Variants in TERF2 observed in about 807,000 individuals in gnomAD.
TERF2 encodes the protein telomeric repeat binding factor 2, also known as telomeric repeat-binding factor 2.
In TERF2, 16 loss-of-function variants were observed where a neutral mutation model predicts 56.1. That is an observed-to-expected ratio of 0.29 (90% CI 0.19 to 0.43). TERF2 has a LOEUF of 0.43. Ranked by LOEUF, TERF2 falls within the 20% of genes least tolerant of loss-of-function variation. The pLI is 1.00. For synonymous variants in TERF2, 296 were observed against 282.1 expected (o/e 1.05, Z -0.50); for missense variants, 547 against 712.9 (o/e 0.77, Z 2.65).
chr16:69,384,751 A>G, intron 2 of TERF2, 41 bp from the exon 3 acceptor site: 1 of 1,530,596 alleles, frequency 6.5e-7, no homozygotes, highest in Non-Finnish European at 8.8e-7. Context: ...CTCTTTTCTA[A>G]GGGTAAAAAA....
intron 8 of TERF2, among the ~76,000 whole-genome samples, chr16:69,360,493 C>T (rs1317494669): frequency 6.6e-5 from 10 of 151,908 alleles, no homozygotes; most frequent in African/African-American, 2.2e-4. Flanking sequence ...TGCTTGAGCC[C>T]AGGAGTTCGA....
chr16:69,367,140 G>A lies in TERF2; in HGVS notation c.1007C>T (p.Thr336Ile). The A allele has an allele frequency of 6.2e-7, 1 of 1,614,214 alleles. No homozygotes were observed. Among genetic ancestry groups the A allele is most frequent in the Non-Finnish European group, 8.5e-7 (1 of 1,180,046 alleles). ...GMMTLKAAFK[T>I]LSGAQDSEAA... ...CTCAGAATCCTGTGCACCAGACAGA[G>A]TCTTGAAAGCTGCTTTCAGAGTCAT... The change falls in exon 7 of 10, where the codon ACT (threonine) becomes ATT (isoleucine). Residue 336 changes from threonine to isoleucine, a missense_variant. Physicochemically the swap from Thr to Ile is moderately conservative, Grantham distance 89. Around this residue, in one of 6 missense-constraint regions of TERF2, gnomAD observed 211 missense variants for 236.8 expected, o/e 0.89. Coordinates refer to ENST00000254942, the MANE Select transcript of TERF2 (RefSeq NM_005652.5).
chr16:69,368,180 G>A (rs2013421902), intron 6 of TERF2, among the ~76,000 whole-genome samples, 196 bp downstream of exon 6: 1 of 152,214 alleles, frequency 6.6e-6, no homozygotes, highest in Admixed American at 6.5e-5. Context: ...CAGTCAGGAA[G>A]TTGTCAGGGA....
intron 8 of TERF2, among the ~76,000 whole-genome samples, chr16:69,360,944 C>A (rs1381690277): frequency 6.6e-6 from 1 of 152,026 alleles, no homozygotes; most frequent in African/African-American, 2.4e-5. Flanking sequence ...ATCAGACTGA[C>A]TCCTTGACCA....
chr16:69,375,097 T>C (rs1567452352), intron 3 of TERF2, among the ~76,000 whole-genome samples: 1 of 152,196 alleles, frequency 6.6e-6, no homozygotes, highest in Non-Finnish European at 1.5e-5. Context: ...AATAGTTCAC[T>C]TTTTCTTGTT....
In TERF2 at chr16:69,357,171, A is replaced by C. The variant is rs1042162590; in HGVS notation, c.1471-115T>G. On this transcript the variant is annotated intron_variant, in intron 9 of 9. Coordinates refer to ENST00000254942, the MANE Select transcript of TERF2 (RefSeq NM_005652.5). ...TCCCAGGAGAATCATCTGAACCTGA[A>C]ATCACAGCTTATGTTTTTAAACATG... The C allele has an allele frequency of 2.5e-6, 3 of 1,219,762 alleles. No homozygotes were observed. The African/African-American group carries it at 4.5e-5, about 18-fold the overall frequency. 75.6% of individuals were successfully genotyped at this position (1,219,762 alleles called of 1,614,324 possible). A position where few individuals can be genotyped will look rare whatever the true frequency, so the allele number is the denominator to read the frequency against.
At chr16:69,371,500 CAAA>C (rs778947462) in intron 4 of TERF2, among the ~76,000 whole-genome samples, 8 of 42,044 alleles carry the variant, frequency 1.9e-4, no homozygotes, top group Admixed American at 1.6e-3. Flanking sequence ...GACTCCATCT[CAAA>C]AAAAAAAAAA....
intron 3 of TERF2, among the ~76,000 whole-genome samples, chr16:69,382,738 A>G (rs1223316849): frequency 1.3e-5 from 2 of 152,208 alleles, no homozygotes; most frequent in Non-Finnish European, 2.9e-5. Context: ...GTTAACAACT[A>G]TGTGAGTAGG....
At position 69,384,700 on chromosome 16, in the gene TERF2, A is replaced by G. The variant is rs1362286887; in HGVS notation, c.486T>C (p.Phe162=). 1.2e-6 allele frequency: 2 copies of G among 1,613,948 alleles called. No homozygotes were observed. Among genetic ancestry groups the G allele is most frequent in the Admixed American group, 1.7e-5 (1 of 59,970 alleles). The part of the protein sequence containing the change: ...IEEGENLDCS[F]DMEAELTPLE... ...GTGGTGTGAGCTCAGCCTCCATATCAAAGGAACAGTCTAGGACAAAGCACA... is the reference window on the plus strand; with the variant it reads ...GTGGTGTGAGCTCAGCCTCCATATCGAAGGAACAGTCTAGGACAAAGCACA... The change falls in exon 3 of 10, where the codon TTT becomes TTC. Residue 162 remains phenylalanine, a synonymous_variant. Coordinates refer to ENST00000254942, the MANE Select transcript of TERF2 (RefSeq NM_005652.5).
intron 3 of TERF2, among the ~76,000 whole-genome samples, chr16:69,377,159 T>G (rs1050875580): frequency 6.7e-6 from 1 of 148,204 alleles, no homozygotes; most frequent in African/African-American, 2.5e-5. Context: ...GCTGAGATTG[T>G]GCCACTGCAC....
intron 7 of TERF2, among the ~76,000 whole-genome samples, chr16:69,362,374 C>T (rs2013177660): frequency 6.6e-6 from 1 of 152,168 alleles, no homozygotes; most frequent in African/African-American, 2.4e-5. Flanking sequence ...TTCCACCATA[C>T]CAAGTGCCAC....
intron 3 of TERF2, among the ~76,000 whole-genome samples, chr16:69,378,318 A>G (rs1001451479): frequency 6.6e-6 from 1 of 152,194 alleles, no homozygotes; most frequent in Admixed American, 6.5e-5. Flanking sequence ...AATTTGTTCC[A>G]TGTTCTGGGG....
At chr16:69,383,539 AC>A (rs1036739166) in intron 3 of TERF2, among the ~76,000 whole-genome samples, 4 of 152,206 alleles carry the variant, frequency 2.6e-5, no homozygotes, top group Non-Finnish European at 5.9e-5. Context: ...ATTTTCCTAT[AC>A]TAAAAATGTA....
At chr16:69,374,456 C>T (rs957600655) in intron 3 of TERF2, among the ~76,000 whole-genome samples, 1 of 150,582 alleles carries the variant, frequency 6.6e-6, no homozygotes, top group African/African-American at 2.4e-5. Context: ...ACAGTGAAAA[C>T]CCATCTCTAC....
chr16:69,377,997 A>C (rs931159360), intron 3 of TERF2, among the ~76,000 whole-genome samples: 6 of 152,140 alleles, frequency 3.9e-5, no homozygotes, highest in African/African-American at 1.4e-4. Context: ...ACAAGTGGTG[A>C]GCATTCCAAT....
At chr16:69,359,581 T>C (rs531066032) in intron 8 of TERF2, among the ~76,000 whole-genome samples, 1 of 151,096 alleles carries the variant, frequency 6.6e-6, no homozygotes, top group African/African-American at 2.4e-5. Context: ...TAAAATTTTC[T>C]TTTTTTCTCC....
intron 2 of TERF2, 38 bp downstream of exon 2, chr16:69,385,353 G>T: frequency 6.5e-7 from 1 of 1,549,028 alleles, no homozygotes; most frequent in Non-Finnish European, 8.9e-7. Context: ...AAAACCCTAC[G>T]CAAGTAAGCC....
chr16:69,374,749 T>C (rs1029703287), intron 3 of TERF2, among the ~76,000 whole-genome samples: 20 of 143,120 alleles, frequency 1.4e-4, no homozygotes, highest in Admixed American at 5.1e-4. Context: ...GGGCAGATCA[T>C]GAGGTCAGGA....
chr16:69,364,977 T>C (rs143282898), intron 7 of TERF2: 1 of 152,352 alleles, frequency 6.6e-6, no homozygotes, highest in East Asian at 1.9e-4. Context: ...TGTGTTCCAA[T>C]AAAACTTTAT....
Sources: gnomAD v4.1 joint callset for allele counts (sites outside exome capture counted in the v4.1 genomes callset) on GRCh38, gnomAD v4.1.1 for gene constraint, gnomAD v4.1.1 regional missense constraint, MANE v1.5 for transcripts, NCBI Gene and HGNC (gene_info 2026-07-23, HGNC 2026-07-21) for gene names.